The following ADIPOR2 variants were observed in gnomAD, a reference collection of about 807,000 sequenced individuals.
The protein encoded by ADIPOR2 is adiponectin receptor 2, also known as adiponectin receptor protein 2.
In ADIPOR2, 18 loss-of-function variants were observed where a neutral mutation model predicts 40.9. That is an observed-to-expected ratio of 0.44 (90% CI 0.30 to 0.65). ADIPOR2 has a LOEUF of 0.65. ADIPOR2 is among the 30% of genes least tolerant of loss of function. The pLI is 0.09. For missense variants in ADIPOR2, 283 were observed against 479.2 expected (o/e 0.59, Z 3.82); for synonymous variants, 165 against 166.4 (o/e 0.99, Z 0.06).
intron 1 of ADIPOR2, chr12:1,697,562 A>G (rs1156529491): frequency 6.6e-6 from 1 of 152,640 alleles, no homozygotes; most frequent in East Asian, 1.9e-4. Flanking sequence ...CACGATGTAT[A>G]TGAAATTCTG....
Position 1,772,971 on chromosome 12 carries a change from C to T in ADIPOR2, c.291+10C>T. On this transcript the variant is annotated intron_variant, in intron 3 of 7. Coordinates refer to ENST00000357103, the MANE Select transcript of ADIPOR2 (RefSeq NM_024551.3). ...AGAATTTGTTTGTAAGGTAAGAGTG[C>T]AGTTTCTTGTCATTGTCATGCTATA... 1.9e-6 allele frequency: 3 copies of T among 1,612,274 alleles called. No homozygotes were observed. Among genetic ancestry groups the T allele is most frequent in the Non-Finnish European group, 2.5e-6 (3 of 1,179,140 alleles).
Position 1,754,953 on chromosome 12 carries a change from A to G in ADIPOR2, c.171+439A>G, listed in dbSNP as rs372124926. Among the ~76,000 whole-genome samples, 5 of 117,542 alleles carry G rather than the reference A, an allele frequency of 4.3e-5. 2 individuals carry two copies. The highest frequency in any genetic ancestry group is 5.7e-4 in the South Asian group (2 of 3,500). The allele number at this position is 117,542 out of a possible 152,430, so 77.1% of individuals were successfully genotyped here. A position where few individuals can be genotyped will look rare whatever the true frequency, so the allele number is the denominator to read the frequency against. ...TGGTCTCGAACTCCTTACCTCAGGTATCCTCCCACCTCGGCCTCCCAAAGT... is the reference window on the plus strand; with the variant it reads ...TGGTCTCGAACTCCTTACCTCAGGTGTCCTCCCACCTCGGCCTCCCAAAGT... On this transcript the variant is annotated intron_variant, in intron 2 of 7. Transcript: ENST00000357103.
chr12:1,692,887 G>A (rs1006281424), intron 1 of ADIPOR2, among the ~76,000 whole-genome samples: 3 of 152,108 alleles, frequency 2.0e-5, no homozygotes, highest in African/African-American at 2.4e-5. Context: ...TGGTGCGATC[G>A]CTCACGCTGG....
rs200875729 is a variant in ADIPOR2, at chr12:1,780,884, C to T, written c.651-5C>T. 9 of 1,584,728 alleles carry T rather than the reference C, an allele frequency of 5.7e-6. No individual in the cohort carries two copies. Among genetic ancestry groups the T allele is most frequent in the Admixed American group, 3.8e-5 (2 of 53,292 alleles). On this transcript the variant is annotated splice_region_variant and splice_polypyrimidine_tract_variant and intron_variant, in intron 5 of 7. Coordinates refer to ENST00000357103, the MANE Select transcript of ADIPOR2 (RefSeq NM_024551.3). ...CATTAAATGGATTTTTTTTTTCTGT[C>T]ATAGACTGGATTACTCTGGTATTGC...
At chr12:1,717,722 T>C (rs933465930) in intron 1 of ADIPOR2, among the ~76,000 whole-genome samples, 3 of 151,186 alleles carry the variant, frequency 2.0e-5, no homozygotes, top group Admixed American at 6.6e-5. Flanking sequence ...AAAAAAAAAA[T>C]TCAGCTTCTG....
Position 1,788,291 on chromosome 12 carries a change from T to C in ADIPOR2, c.*2219T>C, listed in dbSNP as rs1862879794. On this transcript the variant is annotated 3_prime_UTR_variant, in exon 8 of 8. Coordinates refer to ENST00000357103, the MANE Select transcript of ADIPOR2 (RefSeq NM_024551.3). Reference sequence around the variant, plus strand: ...GTATGTGGGCATGTGCCCATTTCTATGTGTGTGTCTACGTGCAGCTCACTA... The same window carrying C: ...GTATGTGGGCATGTGCCCATTTCTACGTGTGTGTCTACGTGCAGCTCACTA... 1 of 152,678 alleles carries C rather than the reference T, an allele frequency of 6.5e-6. No homozygotes were observed. The highest frequency in any genetic ancestry group is 6.5e-5 in the Admixed American group (1 of 15,288). 9.5% of individuals were successfully genotyped at this position (152,678 alleles called of 1,614,324 possible).
intron 1 of ADIPOR2, among the ~76,000 whole-genome samples, chr12:1,727,730 G>A (rs1432402783): frequency 2.0e-5 from 3 of 152,020 alleles, no homozygotes; most frequent in South Asian, 4.2e-4. Context: ...AGCCCCTTGG[G>A]GTATTCTCTT....
intron 1 of ADIPOR2, among the ~76,000 whole-genome samples, chr12:1,714,504 C>T (rs774944993): frequency 2.6e-5 from 4 of 152,046 alleles, no homozygotes; most frequent in African/African-American, 4.8e-5. Context: ...CTCCTGTAGC[C>T]GCTCGAGGAA....
chr12:1,782,031 C>G (rs1252045887), intron 6 of ADIPOR2, among the ~76,000 whole-genome samples: 1 of 152,178 alleles, frequency 6.6e-6, no homozygotes, highest in East Asian at 1.9e-4. Flanking sequence ...TTACATACAT[C>G]AGAAGAACCA....
At chr12:1,728,736 A>C (rs2094713252) in intron 1 of ADIPOR2, among the ~76,000 whole-genome samples, 1 of 152,014 alleles carries the variant, frequency 6.6e-6, no homozygotes, top group African/African-American at 2.4e-5. Context: ...AAAAAACAAA[A>C]ATAAATAAAT....
chr12:1,761,801 A>G (rs528304935), intron 2 of ADIPOR2, among the ~76,000 whole-genome samples: 1 of 152,306 alleles, frequency 6.6e-6, no homozygotes, highest in South Asian at 2.1e-4. Flanking sequence ...AATACACCTG[A>G]CAGGACTTCT....
intron 1 of ADIPOR2, among the ~76,000 whole-genome samples, chr12:1,717,233 T>C (rs903952875): frequency 6.6e-6 from 1 of 152,234 alleles, no homozygotes; most frequent in Non-Finnish European, 1.5e-5. Context: ...TTTTTCACTT[T>C]GGAATTTTCA....
At chr12:1,765,955 CCAT>C (rs148283138) in intron 2 of ADIPOR2, among the ~76,000 whole-genome samples, 20,597 of 152,038 alleles carry the variant, frequency 0.14, 1,551 homozygotes, top group African/African-American at 0.2. Flanking sequence ...GGAAGGGATC[CCAT>C]CAGTCATTTA....
At chr12:1,757,978 C>T (rs1210017291) in intron 2 of ADIPOR2, 1 of 1,057,508 alleles carries the variant, frequency 9.5e-7, no homozygotes, top group Non-Finnish European at 1.5e-6. Context: ...GGAGCTGCTG[C>T]CCACTTCAGA....
At chr12:1,743,179 G>A (rs1378298332) in intron 1 of ADIPOR2, among the ~76,000 whole-genome samples, 1 of 144,554 alleles carries the variant, frequency 6.9e-6, no homozygotes, top group Non-Finnish European at 1.5e-5. Flanking sequence ...ATCTCTTGAG[G>A]TCAGGGGTTT....
intron 1 of ADIPOR2, among the ~76,000 whole-genome samples, chr12:1,700,239 G>T (rs932624630): frequency 1.3e-5 from 2 of 152,132 alleles, no homozygotes; most frequent in Admixed American, 6.6e-5. Context: ...CCTTTCTTTT[G>T]TATGTTTGTT....
At chr12:1,768,255 A>G (rs1862425502) in intron 2 of ADIPOR2, among the ~76,000 whole-genome samples, 1 of 152,122 alleles carries the variant, frequency 6.6e-6, no homozygotes, top group South Asian at 2.1e-4. Context: ...CTAACATTTA[A>G]ATACCTCATT....
intron 1 of ADIPOR2, among the ~76,000 whole-genome samples, chr12:1,732,543 G>T (rs909745813): frequency 6.6e-6 from 1 of 152,082 alleles, no homozygotes; most frequent in East Asian, 1.9e-4. Flanking sequence ...ACCACAGTTT[G>T]TTTATTCATT....
At chr12:1,767,130 G>GC (rs1278851382) in intron 2 of ADIPOR2, among the ~76,000 whole-genome samples, 1 of 152,028 alleles carries the variant, frequency 6.6e-6, no homozygotes, top group Non-Finnish European at 1.5e-5. Context: ...AATTAGCCGG[G>GC]CGTGGTGGCA....
Sources: allele counts gnomAD v4.1 joint callset (sites outside exome capture counted in the v4.1 genomes callset), GRCh38; gene constraint gnomAD v4.1.1; transcripts MANE v1.5; gene names NCBI Gene and HGNC (gene_info 2026-07-23, HGNC 2026-07-21).